Variants in ZNF407 observed in about 807,000 individuals in gnomAD.
ZNF407 encodes the protein zinc finger protein 407.
ZNF407 carries 17 observed loss-of-function variants against 131.2 expected under a neutral mutation model. The ratio of observed to expected loss-of-function variants is 0.13; its 90% CI spans 0.09 to 0.19. ZNF407 has a LOEUF of 0.19. Among genes scored for constraint, ZNF407 ranks in the 10% least tolerant of loss-of-function variants. ZNF407 has a pLI of 1.00. For missense variants in ZNF407, 2,681 were observed against 2,830.6 expected, an observed-to-expected ratio of 0.95 and a Z score of 1.20; for synonymous variants, 1,156 against 1,062.0, an observed-to-expected ratio of 1.09 and a Z score of -1.72.
chr18:74,810,295 A>C (rs72975418), intron 4 of ZNF407, among the ~76,000 whole-genome samples: 24,080 of 151,732 alleles, frequency 0.16, 2,428 homozygotes, highest in Non-Finnish European at 0.22. Flanking sequence ...GTTTGTGTGG[A>C]TATTTTAAAT....
At chr18:74,861,942 T>G (rs1420909933) in intron 4 of ZNF407, among the ~76,000 whole-genome samples, 1 of 152,136 alleles carries the variant, frequency 6.6e-6, no homozygotes, top group Non-Finnish European at 1.5e-5. Flanking sequence ...TCACATAGAG[T>G]TACAGATTAA....
intron 8 of ZNF407, among the ~76,000 whole-genome samples, chr18:75,002,199 T>G (rs575477074): frequency 4.8e-4 from 73 of 152,352 alleles, no homozygotes; most frequent in African/African-American, 1.7e-3. Flanking sequence ...ATATGGGATA[T>G]TTTGTATAGT....
chr18:74,859,986 T>G (rs931953178), intron 4 of ZNF407, among the ~76,000 whole-genome samples: 19 of 152,216 alleles, frequency 1.2e-4, no homozygotes, highest in Non-Finnish European at 2.6e-4. Flanking sequence ...ACTCCCTTCA[T>G]GGCTACTGCC....
At chr18:74,795,873 C>A (rs1969909197) in intron 4 of ZNF407, among the ~76,000 whole-genome samples, 2 of 152,246 alleles carry the variant, frequency 1.3e-5, no homozygotes, top group Non-Finnish European at 2.9e-5. Flanking sequence ...CATGCAAAAG[C>A]AATGGAGTGT....
At chr18:74,757,594 A>G (rs554664979) in intron 3 of ZNF407, among the ~76,000 whole-genome samples, 1 of 152,070 alleles carries the variant, frequency 6.6e-6, no homozygotes, top group African/African-American at 2.4e-5. Flanking sequence ...TCTGGAGGCT[A>G]TTCTCTGGGC....
intron 3 of ZNF407, among the ~76,000 whole-genome samples, chr18:74,655,612 C>CA (rs762903325): frequency 8.6e-5 from 13 of 152,042 alleles, no homozygotes; most frequent in Non-Finnish European, 1.3e-4. Flanking sequence ...TTGCATGCAA[C>CA]AAAAAATTGG....
chr18:74,616,906 C>T, intron 1 of ZNF407, among the ~76,000 whole-genome samples: 1 of 151,912 alleles, frequency 6.6e-6, no homozygotes, highest in Non-Finnish European at 1.5e-5. Context: ...CATATCCACA[C>T]ACATCCATAT....
chr18:74,656,551 A>T (rs1985467500), intron 3 of ZNF407, among the ~76,000 whole-genome samples: 2 of 152,084 alleles, frequency 1.3e-5, no homozygotes, highest in Non-Finnish European at 2.9e-5. Flanking sequence ...GGACATACTG[A>T]TTGTATACTT....
chr18:74,916,653 C>T (rs1473892359), intron 7 of ZNF407, among the ~76,000 whole-genome samples: 25 of 94,692 alleles, frequency 2.6e-4, no homozygotes, highest in East Asian at 3.5e-4. Context: ...TGTGTGTGTG[C>T]ATGTGTGTGC....
chr18:74,636,389 T>G (rs1984465464), intron 2 of ZNF407, among the ~76,000 whole-genome samples: 1 of 152,216 alleles, frequency 6.6e-6, no homozygotes, highest in Admixed American at 6.5e-5. Flanking sequence ...TCTAAATTTA[T>G]GTAAAAATTC....
intron 8 of ZNF407, among the ~76,000 whole-genome samples, chr18:75,020,539 C>T (rs183607147): frequency 6.6e-6 from 1 of 152,054 alleles, no homozygotes; most frequent in African/African-American, 2.4e-5. Context: ...TTCTTCTATG[C>T]CTAGAAGATT....
rs570209029 is a variant in ZNF407, at chr18:74,626,267, T to C, written c.-53-4700T>C. On this transcript the variant is annotated intron_variant, in intron 1 of 8. Coordinates refer to ENST00000299687, the MANE Select transcript of ZNF407 (RefSeq NM_017757.3). ...AATTCTTATACATAGCTGCTAGCAA[T>C]GCAAAACAGTACAGGCACTTTGAAA... Among the ~76,000 whole-genome samples, 16 of 152,350 alleles carry C rather than the reference T, an allele frequency of 1.1e-4. No homozygotes were observed. In the South Asian group the frequency reaches 3.1e-3, roughly 30 times the overall value.
rs146722900 is a variant in ZNF407, at chr18:74,693,107, C to G, written c.4802+51985C>G. Among the ~76,000 whole-genome samples the G allele has an allele frequency of 6.0e-4, 92 of 152,348 alleles. 2 individuals carry two copies. The East Asian group carries it at 0.017, about 29-fold the overall frequency. ...AGTTTGTTACAATTTTAGCTGATTT[C>G]TTCCTATCCATTTGTGCAGTGGCTG... is the stretch of plus-strand genomic sequence containing the variant. On this transcript the variant is annotated intron_variant, in intron 3 of 8. Transcript: ENST00000299687.
At chr18:74,822,138 T>TG (rs1970349455) in intron 4 of ZNF407, among the ~76,000 whole-genome samples, 1 of 152,186 alleles carries the variant, frequency 6.6e-6, no homozygotes, top group South Asian at 2.1e-4. Flanking sequence ...CTTGTAAATT[T>TG]AAGTTCTTTG....
At chr18:74,798,766 G>A (rs1346547452) in intron 4 of ZNF407, among the ~76,000 whole-genome samples, 2 of 152,046 alleles carry the variant, frequency 1.3e-5, no homozygotes, top group African/African-American at 4.8e-5. Flanking sequence ...GGCTCATTTT[G>A]TAACTAGGGA....
chr18:74,888,566 A>G (rs1384848325), intron 6 of ZNF407, among the ~76,000 whole-genome samples: 3 of 152,206 alleles, frequency 2.0e-5, no homozygotes, highest in Admixed American at 1.3e-4. Flanking sequence ...GATTTGATAA[A>G]AGTTACACTT....
intron 3 of ZNF407, among the ~76,000 whole-genome samples, chr18:74,677,524 T>C (rs1986442420): frequency 6.6e-6 from 1 of 152,180 alleles, no homozygotes; most frequent in South Asian, 2.1e-4. Context: ...TGTCTGATAG[T>C]ATTTTCTTTT....
At chr18:74,830,840 C>T (rs769628913) in intron 4 of ZNF407, among the ~76,000 whole-genome samples, 5 of 152,140 alleles carry the variant, frequency 3.3e-5, no homozygotes, top group African/African-American at 7.2e-5. Context: ...CGTCCTACAG[C>T]GGTATCTAAC....
chr18:74,634,153 A>G lies in ZNF407; in HGVS notation c.3134A>G (p.Glu1045Gly). 1 of 1,614,016 alleles carries G rather than the reference A, an allele frequency of 6.2e-7. No homozygotes were observed. The highest frequency in any genetic ancestry group is 8.5e-7 in the Non-Finnish European group (1 of 1,179,896). ...AAACGGAAACATACAAAAGAGTTTG[A>G]GTTTTATTGCATGGCATGCGATTAC... ...HVKRKHTKEFEFYCMACDYYA... is the reference protein window; with the variant it reads ...HVKRKHTKEFGFYCMACDYYA... The change falls in exon 2 of 9, where the codon GAG becomes GGG. Residue 1045 changes from glutamate (E) to glycine (G), a missense_variant. Glu to Gly is a moderately conservative substitution (Grantham distance 98). This residue lies in a region of ZNF407 where 1,789 missense variants were observed against 1,748.7 expected (regional missense o/e 1.02). Transcript: ENST00000299687.
Sources: gnomAD v4.1 joint callset for allele counts (sites outside exome capture counted in the v4.1 genomes callset) on GRCh38, gnomAD v4.1.1 for gene constraint, gnomAD v4.1.1 regional missense constraint, MANE v1.5 for transcripts, NCBI Gene and HGNC (gene_info 2026-07-23, HGNC 2026-07-21) for gene names.